The following LYZL4 variants were observed in gnomAD, a reference collection of about 807,000 sequenced individuals.
LYZL4 encodes the protein lysozyme like 4, also known as lysozyme-like protein 4.
In LYZL4, 13 loss-of-function variants were observed where a neutral mutation model predicts 17.6. That is an observed-to-expected ratio of 0.74 (90% confidence interval 0.48 to 1.18). LYZL4 has a LOEUF of 1.18. LYZL4 is among the 50% of genes most tolerant of loss of function. The probability of loss-of-function intolerance (pLI) is 0.00; values close to 1 mark genes in which losing one functional copy is unlikely to be tolerated. For synonymous variants in LYZL4, 64 were observed against 67.7 expected (o/e 0.95, Z 0.27); for missense variants, 174 against 188.2 (o/e 0.92, Z 0.44).
Position 42,398,410 on chromosome 3 carries a change from A to G in LYZL4, c.372-1076T>C, listed in dbSNP as rs139649744. 5.2e-3 allele frequency among the ~76,000 whole-genome samples: 795 copies of G among 152,326 alleles called. 3 individuals are homozygous for G. Among genetic ancestry groups the G allele is most frequent in the Non-Finnish European group, 9.1e-3 (617 of 68,030 alleles). On this transcript the variant is annotated intron_variant, in intron 4 of 4. Transcript: ENST00000287748. ...TTTTAGTTCATTAGGGCTTACTCTA[A>G]AGAATCAGCCAAGCTTCCACATTAA...
chr3:42,374,493 A>G, the LYZL4 span, among the ~76,000 whole-genome samples: 4 of 152,212 alleles, frequency 2.6e-5, no homozygotes, highest in Admixed American at 1.3e-4. Flanking sequence ...GGATTTAGTG[A>G]TGGTTTCATG....
At chr3:42,388,843 TG>T in the LYZL4 span, among the ~76,000 whole-genome samples, 7 of 152,244 alleles carry the variant, frequency 4.6e-5, no homozygotes, top group African/African-American at 1.2e-4. Flanking sequence ...AAAAACATTT[TG>T]TGATGACAGC....
At chr3:42,388,523 A>C in the LYZL4 span, among the ~76,000 whole-genome samples, 1 of 152,206 alleles carries the variant, frequency 6.6e-6, no homozygotes, top group Non-Finnish European at 1.5e-5. Flanking sequence ...AGGAAGTTAA[A>C]CAGGATGTGC....
At chr3:42,376,293 T>A in the LYZL4 span, among the ~76,000 whole-genome samples, 1 of 152,156 alleles carries the variant, frequency 6.6e-6, no homozygotes, top group Non-Finnish European at 1.5e-5. Flanking sequence ...GGTGGGGAAG[T>A]AGAGGCTGAA....
downstream of LYZL4, among the ~76,000 whole-genome samples, chr3:42,392,653 A>G (rs1685935135): frequency 6.6e-6 from 1 of 152,190 alleles, no homozygotes; most frequent in Non-Finnish European, 1.5e-5. Context: ...GCATGACATC[A>G]TTATGATGGT....
At chr3:42,391,217 T>C in the LYZL4 span, among the ~76,000 whole-genome samples, 2 of 152,224 alleles carry the variant, frequency 1.3e-5, no homozygotes, top group African/African-American at 2.4e-5. Flanking sequence ...ATGAAACATA[T>C]AACAGGTATT....
chr3:42,374,667 T>C, the LYZL4 span, among the ~76,000 whole-genome samples: 2 of 152,082 alleles, frequency 1.3e-5, no homozygotes, highest in African/African-American at 4.8e-5. Flanking sequence ...CTCACCTCAG[T>C]CCCCACCTGT....
the LYZL4 span, among the ~76,000 whole-genome samples, chr3:42,386,181 C>A: frequency 6.6e-6 from 1 of 152,078 alleles, no homozygotes. Flanking sequence ...TGGCTCACTG[C>A]AACTTCCACC....
the LYZL4 span, among the ~76,000 whole-genome samples, chr3:42,374,679 C>T: frequency 1.3e-5 from 2 of 152,168 alleles, no homozygotes; most frequent in Non-Finnish European, 2.9e-5. Flanking sequence ...CCCACCTGTC[C>T]CTGCTGTATC....
chr3:42,387,764 C>A, the LYZL4 span, among the ~76,000 whole-genome samples: 1 of 152,180 alleles, frequency 6.6e-6, no homozygotes, highest in African/African-American at 2.4e-5. Flanking sequence ...CAACATGGAT[C>A]ATCTGCCTAC....
At chr3:42,400,921 GT>G (rs1480223213) in intron 4 of LYZL4, among the ~76,000 whole-genome samples, 1 of 152,134 alleles carries the variant, frequency 6.6e-6, no homozygotes, top group Non-Finnish European at 1.5e-5. Flanking sequence ...CACTCCATTG[GT>G]TCAGCATATC....
At chr3:42,374,142 G>A in the LYZL4 span, among the ~76,000 whole-genome samples, 16 of 152,160 alleles carry the variant, frequency 1.1e-4, no homozygotes, top group Admixed American at 8.5e-4. Flanking sequence ...CATTGTTTAA[G>A]AACCTTCCAT....
intron 4 of LYZL4, among the ~76,000 whole-genome samples, chr3:42,398,394 A>C (rs577816000): frequency 6.6e-6 from 1 of 152,364 alleles, no homozygotes; most frequent in Admixed American, 6.5e-5. Context: ...GTTTTAGTTC[A>C]TTAGGGCTTA....
At chr3:42,366,379 C>A in the LYZL4 span, among the ~76,000 whole-genome samples, 1 of 152,328 alleles carries the variant, frequency 6.6e-6, no homozygotes, top group East Asian at 1.9e-4. Flanking sequence ...GGCTGCCTTT[C>A]TTCCCTGGCA....
chr3:42,408,247 T>C lies in LYZL4; in HGVS notation c.-92-904A>G, dbSNP rs567684865. ...TCTTCTTACCACAGCAAACCCACACTTGGCTTTCCAAGCCCTCCATGATCT... is the reference window on the plus strand; with the variant it reads ...TCTTCTTACCACAGCAAACCCACACCTGGCTTTCCAAGCCCTCCATGATCT... On this transcript the variant is annotated intron_variant, in intron 1 of 4. Coordinates refer to ENST00000287748, the MANE Select transcript of LYZL4 (RefSeq NM_144634.4). Among the ~76,000 whole-genome samples the C allele has an allele frequency of 9.8e-5, 15 of 152,308 alleles. No homozygotes were observed. The South Asian group carries it at 3.1e-3, about 32-fold the overall frequency.
At chr3:42,375,731 A>T in the LYZL4 span, among the ~76,000 whole-genome samples, 15 of 152,228 alleles carry the variant, frequency 9.9e-5, no homozygotes, top group African/African-American at 3.4e-4. Flanking sequence ...TATGCTCATC[A>T]GAGTTCTCCT....
At chr3:42,381,813 C>G in the LYZL4 span, among the ~76,000 whole-genome samples, 14 of 152,304 alleles carry the variant, frequency 9.2e-5, no homozygotes, top group South Asian at 1.2e-3. Flanking sequence ...TACATTTACC[C>G]TTCAAGACAC....
chr3:42,397,921 C>A (rs577202961), intron 4 of LYZL4, among the ~76,000 whole-genome samples: 171 of 152,314 alleles, frequency 1.1e-3, no homozygotes, highest in Non-Finnish European at 2.0e-3. Flanking sequence ...CCCATGCCAG[C>A]ACCCAGACTT....
Position 42,407,210 on chromosome 3 carries a change from C to T in LYZL4, c.42G>A (p.Val14=). 6.2e-7 allele frequency: 1 copy of T among 1,614,178 alleles called. No homozygotes were observed. ...CCAAGATGTAAGCACCACTTGGAAC[C>T]ACCAGGTAGCCAAGGAGGGAGAGAA... ...SVVLSLLGYL[V]VPSGAYILGR... The change falls in exon 2 of 5, where the codon GTG becomes GTA. Residue 14 remains valine (V), a synonymous_variant. Transcript: ENST00000287748.
Sources: allele counts gnomAD v4.1 joint callset (sites outside exome capture counted in the v4.1 genomes callset), GRCh38; gene constraint gnomAD v4.1.1; transcripts MANE v1.5; gene names NCBI Gene and HGNC (gene_info 2026-07-23, HGNC 2026-07-21).